ESRRG: variants seen among roughly 807,000 people sequenced by gnomAD.
ESRRG encodes estrogen related receptor gamma.
ESRRG carries 13 observed loss-of-function variants against 44.0 expected under a neutral mutation model. That is an observed-to-expected ratio of 0.30 (90% CI 0.19 to 0.47). ESRRG has a LOEUF of 0.47. Among genes scored for constraint, ESRRG ranks in the 20% least tolerant of loss-of-function variants. The pLI, the probability that ESRRG is intolerant of heterozygous loss-of-function variation, is 1.00. For missense variants in ESRRG, 395 were observed against 580.6 expected (o/e 0.68, Z 3.29); for synonymous variants, 215 against 214.6 (o/e 1.00, Z -0.02).
At chr1:216,662,012 A>G (rs1346421889) in intron 2 of ESRRG, among the ~76,000 whole-genome samples, 4 of 152,122 alleles carry the variant, frequency 2.6e-5, no homozygotes, top group African/African-American at 7.2e-5. Flanking sequence ...TGACATGTGG[A>G]TGGGTAATAA....
At chr1:216,854,074 T>A (rs1252772776) in intron 2 of ESRRG, among the ~76,000 whole-genome samples, 2 of 152,044 alleles carry the variant, frequency 1.3e-5, no homozygotes, top group African/African-American at 4.8e-5. Context: ...GCTCCCTAGA[T>A]GTGGCAGGGT....
chr1:216,764,526 C>T (rs1411641652), intron 2 of ESRRG, among the ~76,000 whole-genome samples: 1 of 152,002 alleles, frequency 6.6e-6, no homozygotes, highest in Non-Finnish European at 1.5e-5. Context: ...GCCTAGGCCT[C>T]CCAAAGTGCT....
chr1:216,529,343 T>C (rs4846514), intron 5 of ESRRG, among the ~76,000 whole-genome samples: 12,514 of 152,258 alleles, frequency 0.082, 668 homozygotes, highest in East Asian at 0.21. Context: ...GAGTTTGGAT[T>C]CATGAGAAAA....
In ESRRG at chr1:216,774,798, C is replaced by CT. The variant is rs58598227; in HGVS notation, c.-13-97308dup. On this transcript the variant is annotated intron_variant, in intron 2 of 7. Coordinates refer to the ESRRG transcript ENST00000359162. ...ACAGTAAGACAGTGAATAATTTCTT[C>CT]TTTTTTTTTTTTTAAGACAGAATCT... Among the ~76,000 whole-genome samples the CT allele has an allele frequency of 5.9e-4, 65 of 110,794 alleles. 3 individuals carry two copies. The highest frequency in any genetic ancestry group is 1.9e-3 in the Admixed American group (18 of 9,266). 72.7% of individuals were successfully genotyped at this position (110,794 alleles called of 152,430 possible).
At chr1:216,573,624 A>ATGTCCTC (rs2061213070) in intron 3 of ESRRG, among the ~76,000 whole-genome samples, 1 of 151,930 alleles carries the variant, frequency 6.6e-6, no homozygotes, top group African/African-American at 2.4e-5. Context: ...ACAGCCAAAT[A>ATGTCCTC]ATAATACTAT....
chr1:216,715,465 A>G (rs989479406), intron 1 of ESRRG, among the ~76,000 whole-genome samples: 1 of 152,144 alleles, frequency 6.6e-6, no homozygotes, highest in African/African-American at 2.4e-5. Flanking sequence ...AAATTATCAG[A>G]ATATTCTTTT....
chr1:216,587,937 T>C (rs531713417), intron 3 of ESRRG, among the ~76,000 whole-genome samples: 1 of 152,286 alleles, frequency 6.6e-6, no homozygotes, highest in East Asian at 1.9e-4. Flanking sequence ...CAATCCTAAT[T>C]CTACATTAAA....
intron 1 of ESRRG, among the ~76,000 whole-genome samples, chr1:216,709,343 G>GTATATATATATATATATATA (rs71163761): frequency 2.1e-5 from 3 of 145,370 alleles, no homozygotes; most frequent in African/African-American, 7.7e-5. Context: ...GTGTGTGTGT[G>GTATATATATATATATATATA]TATATATATA....
At chr1:216,778,462 A>G (rs1250270469) in intron 2 of ESRRG, among the ~76,000 whole-genome samples, 2 of 151,964 alleles carry the variant, frequency 1.3e-5, no homozygotes, top group Non-Finnish European at 2.9e-5. Context: ...ACAGCACACC[A>G]CAGTATCCAC....
At chr1:216,728,151 T>C (rs1363865217), upstream of ESRRG, among the ~76,000 whole-genome samples, 1 of 152,190 alleles carries the variant, frequency 6.6e-6, no homozygotes, top group East Asian at 1.9e-4. Context: ...TTCTATAATC[T>C]GCATGGCATG....
At chr1:217,126,531 T>C (rs575573766) in intron 1 of ESRRG, among the ~76,000 whole-genome samples, 5 of 152,190 alleles carry the variant, frequency 3.3e-5, no homozygotes, top group Non-Finnish European at 7.4e-5. Flanking sequence ...GGCCAAATCA[T>C]GGTGAGGGTC....
At chr1:217,054,272 C>T (rs2086660694) in intron 1 of ESRRG, among the ~76,000 whole-genome samples, 1 of 152,192 alleles carries the variant, frequency 6.6e-6, no homozygotes, top group African/African-American at 2.4e-5. Flanking sequence ...ATTGATCATA[C>T]TTTCTTCTAA....
rs567370769 is a variant in ESRRG at position 216,572,959 on chromosome 1, A to C, written c.590-4861T>G. Among the ~76,000 whole-genome samples, 259 of 152,128 alleles carry C rather than the reference A, an allele frequency of 1.7e-3. 2 individuals carry two copies. The highest frequency in any genetic ancestry group is 6.2e-3 in the African/African-American group (258 of 41,572). On this transcript the variant is annotated intron_variant, in intron 3 of 6. Coordinates refer to ENST00000408911, the MANE Select transcript of ESRRG (RefSeq NM_001438.4). ...GTTAAAAATAAATACAAATCGAACAAAAAATGAAGAGAGGTCAGATAAAGA... is the reference window on the plus strand; with the variant it reads ...GTTAAAAATAAATACAAATCGAACACAAAATGAAGAGAGGTCAGATAAAGA...
chr1:216,863,988 C>G (rs1317016355), intron 2 of ESRRG: 1 of 152,080 alleles, frequency 6.6e-6, no homozygotes, highest in Non-Finnish European at 1.5e-5. Context: ...TTGGGACATC[C>G]TAGCTTCCCT....
chr1:216,801,876 T>C (rs1423247741), intron 2 of ESRRG, among the ~76,000 whole-genome samples: 1 of 152,162 alleles, frequency 6.6e-6, no homozygotes, highest in Non-Finnish European at 1.5e-5. Flanking sequence ...TGCTTATCTG[T>C]TTTTCCATCT....
At chr1:216,828,094 G>A (rs563674951) in intron 2 of ESRRG, among the ~76,000 whole-genome samples, 1 of 152,204 alleles carries the variant, frequency 6.6e-6, no homozygotes, top group South Asian at 2.1e-4. Context: ...AAACTATCAA[G>A]GATTGAACAT....
chr1:216,868,282 T>A (rs2096205655), intron 2 of ESRRG, among the ~76,000 whole-genome samples: 1 of 151,920 alleles, frequency 6.6e-6, no homozygotes, highest in South Asian at 2.1e-4. Context: ...GAGATGGGGT[T>A]TCACCATGTT....
chr1:216,541,042 T>G (rs1278351307), intron 5 of ESRRG, among the ~76,000 whole-genome samples: 1 of 152,044 alleles, frequency 6.6e-6, no homozygotes, highest in African/African-American at 2.4e-5. Context: ...TGGTTCAATG[T>G]CCTAGGTATT....
At chr1:216,685,423 G>C (rs561532726) in intron 1 of ESRRG, among the ~76,000 whole-genome samples, 4 of 152,288 alleles carry the variant, frequency 2.6e-5, no homozygotes, top group African/African-American at 9.6e-5. Flanking sequence ...CTTTCAAACA[G>C]AAATATGGAT....
Sources: allele counts gnomAD v4.1 joint callset (sites outside exome capture counted in the v4.1 genomes callset), GRCh38; gene constraint gnomAD v4.1.1; transcripts MANE v1.5; gene names NCBI Gene and HGNC (gene_info 2026-07-23, HGNC 2026-07-21).